Variants in NEK9 observed in about 807,000 individuals in gnomAD.
NEK9 encodes the protein serine/threonine-protein kinase Nek9.
Under a neutral mutation model 123.4 loss-of-function variants are expected in NEK9, and 75 were observed. The observed-to-expected ratio is 0.61, with a 90% CI of 0.50 to 0.74. The LOEUF is 0.74. NEK9 is among the 30% of genes least tolerant of loss of function. NEK9 has a pLI of 0.00. For synonymous variants in NEK9, 438 were observed against 458.7 expected (o/e 0.95, Z 0.58); for missense variants, 952 against 1,214.4 (o/e 0.78, Z 3.21).
At chr14:75,103,069 G>C (rs1894643736) in intron 14 of NEK9, among the ~76,000 whole-genome samples, 1 of 152,026 alleles carries the variant, frequency 6.6e-6, no homozygotes, top group Admixed American at 6.6e-5. Flanking sequence ...GGGAGGGATA[G>C]CATTAGGCGA....
intron 2 of NEK9, 73 bp downstream of exon 2, chr14:75,123,973 A>T: frequency 4.7e-6 from 6 of 1,280,490 alleles, no homozygotes; most frequent in Non-Finnish European, 5.6e-6. Context: ...GTCTCTTCTT[A>T]TATTCTTCTC....
In NEK9 at chr14:75,082,114, G is replaced by A. The variant is rs1893882846; in HGVS notation, c.*2450C>T. The A allele has an allele frequency of 6.6e-6, 1 of 152,194 alleles. No homozygotes were observed. The allele number at this position is 152,194 out of a possible 1,614,324, so 9.4% of individuals were successfully genotyped here. On this transcript the variant is annotated 3_prime_UTR_variant, in exon 22 of 22. Coordinates refer to ENST00000238616, the MANE Select transcript of NEK9 (RefSeq NM_033116.6). ...CCATGCACAGGCTTACTGAAGCACAGTACTGATTAAGAGCTTAAATGTTTA... is the reference window on the plus strand; with the variant it reads ...CCATGCACAGGCTTACTGAAGCACAATACTGATTAAGAGCTTAAATGTTTA...
chr14:75,094,729 G>A (rs1330966958), intron 18 of NEK9, among the ~76,000 whole-genome samples: 2 of 152,120 alleles, frequency 1.3e-5, no homozygotes, highest in Non-Finnish European at 2.9e-5. Context: ...GCAGTGAGCC[G>A]AGATTGCGCC....
rs1180162296 is a variant in NEK9 at position 75,104,086 on chromosome 14, G to A, written c.1576-89C>T. 3.0e-6 allele frequency: 4 copies of A among 1,327,450 alleles called. No homozygotes were observed. The East Asian group carries it at 1.0e-4, about 33-fold the overall frequency. The allele number at this position is 1,327,450 out of a possible 1,614,324, so 82.2% of individuals were successfully genotyped here. Reference sequence around the variant, plus strand: ...CAAATTCTTTCAAAAGAGACATGCTGCATTTAGCAGAATGACTACAGGAAA... The same window carrying A: ...CAAATTCTTTCAAAAGAGACATGCTACATTTAGCAGAATGACTACAGGAAA... On this transcript the variant is annotated intron_variant, in intron 13 of 21. Transcript: ENST00000238616.
chr14:75,115,537 AT>A (rs1371814247), intron 6 of NEK9, among the ~76,000 whole-genome samples: 9 of 152,372 alleles, frequency 5.9e-5, no homozygotes, highest in Admixed American at 4.6e-4. Flanking sequence ...AATTTGCATT[AT>A]CTTACATTTG....
chr14:75,083,505 T>TA lies in NEK9; in HGVS notation c.*1058dup, dbSNP rs1244037203. On this transcript the variant is annotated 3_prime_UTR_variant, in exon 22 of 22. Coordinates refer to ENST00000238616, the MANE Select transcript of NEK9 (RefSeq NM_033116.6). ...TGGGCCACTCAGGTAGGAAAAATGA[T>TA]ACAGATTCATTCGTTACCACATGGC... is the stretch of plus-strand genomic sequence containing the variant. 1 of 160,852 alleles carries TA rather than the reference T, an allele frequency of 6.2e-6. No homozygotes were observed. Among genetic ancestry groups the TA allele is most frequent in the African/African-American group, 2.4e-5 (1 of 41,820 alleles). The allele number at this position is 160,852 out of a possible 1,614,324, so 10.0% of individuals were successfully genotyped here. A position where few individuals can be genotyped will look rare whatever the true frequency, so the allele number is the denominator to read the frequency against.
chr14:75,098,618 G>A (rs972881770), intron 16 of NEK9, among the ~76,000 whole-genome samples: 5 of 152,168 alleles, frequency 3.3e-5, no homozygotes, highest in Non-Finnish European at 7.3e-5. Context: ...GCCTGTGCTA[G>A]TCCCCTATTC....
At chr14:75,103,809 T>G in intron 14 of NEK9, 33 bp downstream of exon 14, 2 of 1,567,298 alleles carry the variant, frequency 1.3e-6, no homozygotes, top group Non-Finnish European at 1.7e-6. Context: ...GAAATTCTGA[T>G]GATGTGGTTA....
Position 75,099,796 on chromosome 14 carries a change from AAAG to A in NEK9, c.2002+1193_2002+1195del, listed in dbSNP as rs202120227. Reference sequence around the variant, plus strand: ...AGATTGTGTCTCAAAAAAAAAAAAAAAAGAAGAGGAGTGAGGAACCAGACAATA... The same window carrying A: ...AGATTGTGTCTCAAAAAAAAAAAAAAAAGAGGAGTGAGGAACCAGACAATA... On this transcript the variant is annotated intron_variant, in intron 16 of 21. Coordinates refer to ENST00000238616, the MANE Select transcript of NEK9 (RefSeq NM_033116.6). 3.6e-3 allele frequency among the ~76,000 whole-genome samples: 547 copies of A among 150,408 alleles called. 3 individuals are homozygous for A. The highest frequency in any genetic ancestry group is 0.013 in the African/African-American group (519 of 40,958).
At chr14:75,126,617 C>G in intron 1 of NEK9, 86 bp downstream of exon 1, 1 of 1,121,748 alleles carries the variant, frequency 8.9e-7, no homozygotes, top group Middle Eastern at 3.1e-4. Flanking sequence ...ACTAAGCTCA[C>G]GACGCTGGGA....
intron 7 of NEK9, 35 bp from the exon 8 acceptor site, chr14:75,113,438 T>C: frequency 6.7e-7 from 1 of 1,502,794 alleles, no homozygotes; most frequent in Admixed American, 1.7e-5. Context: ...TTTCACTTAA[T>C]GGAAATGGGC....
intron 10 of NEK9, among the ~76,000 whole-genome samples, chr14:75,108,499 ATGTGTGTGCGTGTGCGTG>A (rs1566652650): frequency 1.5e-5 from 2 of 133,690 alleles, no homozygotes; most frequent in Non-Finnish European, 3.1e-5. Context: ...TTATATATAT[ATGTGTGTGCGTGTGCGTG>A]TGTGTGTGTG....
At chr14:75,094,138 C>G (rs1037845255) in intron 18 of NEK9, among the ~76,000 whole-genome samples, 5 of 152,124 alleles carry the variant, frequency 3.3e-5, no homozygotes, top group Non-Finnish European at 7.3e-5. Context: ...AACAGAGATG[C>G]CAAGCAATGG....
At position 75,107,456 on chromosome 14, in the gene NEK9, T is replaced by C. The variant is rs775382178; in HGVS notation, c.1214A>G (p.Gln405Arg). Residue 405 changes from glutamine (Q) to arginine (R), a missense_variant, in exon 11 of 22, where the codon CAG (glutamine) becomes CGG (arginine). Physicochemically the swap from Gln to Arg is conservative, Grantham distance 43. Around this residue, in one of 4 missense-constraint regions of NEK9, gnomAD observed 698 missense variants for 875.6 expected, o/e 0.80. Transcript: ENST00000238616. ...GGAGGCTTTGTCTCCATGGCCCAGC[T>C]GACCATGGAGTTTAGTGCCTCCTTG... ...NMQGGTKLHG[Q>R]LGHGDKASYR... 9 of 1,613,278 alleles carry C rather than the reference T, an allele frequency of 5.6e-6. No homozygotes were observed. The East Asian group carries it at 2.0e-4, about 36-fold the overall frequency.
intron 3 of NEK9, 120 bp from the exon 4 acceptor site, chr14:75,120,700 T>G: frequency 1.3e-6 from 1 of 747,544 alleles, no homozygotes; most frequent in South Asian, 1.8e-5. Flanking sequence ...TCAACATGAC[T>G]TGACATCTCT....
At position 75,126,674 on chromosome 14, in the gene NEK9, A is replaced by T. The variant is rs943142537; in HGVS notation, c.219+29T>A. 5 of 1,384,528 alleles carry T rather than the reference A, an allele frequency of 3.6e-6. No individual in the cohort carries two copies. In the East Asian group the frequency reaches 1.5e-4, roughly 42 times the overall value. The allele number at this position is 1,384,528 out of a possible 1,614,324, so 85.8% of individuals were successfully genotyped here. A position where few individuals can be genotyped will look rare whatever the true frequency, so the allele number is the denominator to read the frequency against. On this transcript the variant is annotated intron_variant, in intron 1 of 21. Coordinates refer to ENST00000238616, the MANE Select transcript of NEK9 (RefSeq NM_033116.6). The stretch of plus-strand genomic sequence containing the variant: ...ACTCGGGGCGACCCGACAGCGCCAG[A>T]CAGGGCGGCCGGCGCCGAGGGCCGC...
At position 75,093,247 on chromosome 14, in the gene NEK9, T is replaced by C. The variant is rs560660003; in HGVS notation, c.2234-1769A>G. ...GCTACTATACTGAACAGCACCGATA[T>C]GGAACATTTCCATTGTTGCAAAAAG... On this transcript the variant is annotated intron_variant, in intron 18 of 21. Coordinates refer to ENST00000238616, the MANE Select transcript of NEK9 (RefSeq NM_033116.6). 8.5e-5 allele frequency among the ~76,000 whole-genome samples: 13 copies of C among 152,296 alleles called. No homozygotes were observed. In the East Asian group the frequency reaches 2.1e-3, roughly 25 times the overall value.
intron 1 of NEK9, among the ~76,000 whole-genome samples, chr14:75,125,593 T>C (rs1895496253): frequency 6.6e-6 from 1 of 152,240 alleles, no homozygotes; most frequent in African/African-American, 2.4e-5. Flanking sequence ...AACTAAAATA[T>C]AGAAATAACA....
intron 20 of NEK9, among the ~76,000 whole-genome samples, chr14:75,087,795 T>C (rs916371577): frequency 1.1e-4 from 16 of 152,372 alleles, no homozygotes; most frequent in African/African-American, 3.8e-4. Flanking sequence ...TACTGTACTT[T>C]TTTTATAGGA....
Sources: gnomAD v4.1 joint callset for allele counts (sites outside exome capture counted in the v4.1 genomes callset) on GRCh38, gnomAD v4.1.1 for gene constraint, gnomAD v4.1.1 regional missense constraint, MANE v1.5 for transcripts, NCBI Gene and HGNC (gene_info 2026-07-23, HGNC 2026-07-21) for gene names.